Variants in HOMER2 observed in about 807,000 individuals in gnomAD.
HOMER2 encodes homer protein homolog 2.
A neutral mutation model predicts 47.0 loss-of-function variants in HOMER2; 27 were observed. That is an observed-to-expected ratio of 0.57 (90% confidence interval 0.42 to 0.79). HOMER2 has a LOEUF of 0.79. Ranked by LOEUF, HOMER2 falls within the 30% of genes least tolerant of loss-of-function variation. The probability of loss-of-function intolerance (pLI) is 0.00; values close to 1 mark genes in which losing one functional copy is unlikely to be tolerated. For missense variants in HOMER2, 443 were observed against 435.0 expected (o/e 1.02, Z -0.16); for synonymous variants, 161 against 163.8 (o/e 0.98, Z 0.13).
At chr15:82,978,602 C>T (rs2151262442) in intron 1 of HOMER2, among the ~76,000 whole-genome samples, 1 of 152,190 alleles carries the variant, frequency 6.6e-6, no homozygotes, top group South Asian at 2.1e-4. Context: ...GTGCCACCAC[C>T]CAAATCTCAT....
At chr15:82,903,099 T>A (rs1274605696) in intron 1 of HOMER2, among the ~76,000 whole-genome samples, 1 of 152,258 alleles carries the variant, frequency 6.6e-6, no homozygotes, top group African/African-American at 2.4e-5. Flanking sequence ...TTTAGAGGGA[T>A]CACTGTGGCA....
intron 1 of HOMER2, among the ~76,000 whole-genome samples, chr15:82,931,427 C>CT (rs1440271961): frequency 1.3e-5 from 2 of 151,424 alleles, no homozygotes; most frequent in Non-Finnish European, 2.9e-5. Flanking sequence ...CAAGGAGTAG[C>CT]TTTTTTTAGC....
At chr15:82,873,573 A>G (rs1256449) in intron 3 of HOMER2, among the ~76,000 whole-genome samples, 79,171 of 152,094 alleles carry the variant, frequency 0.52, 21,036 homozygotes, top group African/African-American at 0.62. Flanking sequence ...GATTGTGGAC[A>G]GAGAGGACGT....
chr15:82,890,879 C>T (rs773154080), intron 2 of HOMER2, among the ~76,000 whole-genome samples: 4 of 152,090 alleles, frequency 2.6e-5, no homozygotes, highest in Admixed American at 6.5e-5. Context: ...GCAATTCCAG[C>T]GCAGAAGCAC....
At chr15:82,877,308 T>A (rs1223362561) in intron 2 of HOMER2, among the ~76,000 whole-genome samples, 1 of 152,126 alleles carries the variant, frequency 6.6e-6, no homozygotes, top group Non-Finnish European at 1.5e-5. Flanking sequence ...TAGCTGGAAT[T>A]ACAGGTGACC....
chr15:82,941,261 T>A (rs996942108), intron 1 of HOMER2, among the ~76,000 whole-genome samples: 1 of 151,682 alleles, frequency 6.6e-6, no homozygotes, highest in Non-Finnish European at 1.5e-5. Context: ...CTGACCAACA[T>A]GATGAAACCC....
chr15:82,859,134 G>A lies in HOMER2; in HGVS notation c.389C>T (p.Ala130Val). The A allele has an allele frequency of 6.2e-7, 1 of 1,613,966 alleles. No individual in the cohort carries two copies. The highest frequency in any genetic ancestry group is 8.5e-7 in the Non-Finnish European group (1 of 1,179,878). The change falls in exon 5 of 9, where the codon GCA becomes GTA. Residue 130 changes from alanine (A) to valine (V), a missense_variant and splice_region_variant. Ala to Val is a moderately conservative substitution (Grantham distance 64). Coordinates refer to ENST00000450735, the MANE Select transcript of HOMER2 (RefSeq NM_004839.4). ...ATCGTCCGTCCCGTTGACACTGGAT[G>A]CCTGAGTAGAAGATGGGGTTTCACG... Reference protein sequence around the residue: ...KIETSSNHSQASSVNGTDDEK... With the variant: ...KIETSSNHSQVSSVNGTDDEK...
At chr15:82,852,309 C>T (rs2051422710) in intron 6 of HOMER2, 57 bp from the exon 7 acceptor site, 2 of 1,147,842 alleles carry the variant, frequency 1.7e-6, no homozygotes, top group East Asian at 4.7e-5. Context: ...AGTCATTAAG[C>T]AAGAGATCAC....
intron 1 of HOMER2, among the ~76,000 whole-genome samples, chr15:82,965,496 TA>T (rs2054665656): frequency 6.6e-6 from 1 of 152,198 alleles, no homozygotes; most frequent in South Asian, 2.1e-4. Context: ...TCTGAGGTAC[TA>T]TTCTCTAAAA....
chr15:82,940,323 G>A (rs1016628436), intron 1 of HOMER2, among the ~76,000 whole-genome samples: 1 of 152,212 alleles, frequency 6.6e-6, no homozygotes, highest in Admixed American at 6.5e-5. Context: ...CTCATTAAAT[G>A]ATAGCTTAAT....
chr15:82,859,987 C>A (rs2051721963), intron 4 of HOMER2, among the ~76,000 whole-genome samples: 1 of 152,158 alleles, frequency 6.6e-6, no homozygotes, highest in Non-Finnish European at 1.5e-5. Context: ...GTGGCTCACA[C>A]CTGTAATCCC....
intron 5 of HOMER2, among the ~76,000 whole-genome samples, chr15:82,855,842 T>A (rs181653596): frequency 1.3e-5 from 2 of 152,320 alleles, no homozygotes; most frequent in East Asian, 3.9e-4. Context: ...CAAACTGGAA[T>A]CAGGTTCCCC....
chr15:82,889,636 G>A (rs1172068717), intron 2 of HOMER2, among the ~76,000 whole-genome samples: 3 of 152,196 alleles, frequency 2.0e-5, no homozygotes, highest in Admixed American at 1.3e-4. Context: ...TCAGGGAGAT[G>A]AGGACCTTAG....
At chr15:82,920,703 G>C (rs1045298945) in intron 1 of HOMER2, among the ~76,000 whole-genome samples, 15 of 152,156 alleles carry the variant, frequency 9.9e-5, no homozygotes, top group Non-Finnish European at 1.8e-4. Context: ...GGATAATGCA[G>C]GATAACCTCC....
At chr15:82,984,815 C>T (rs1489098440) in intron 1 of HOMER2, among the ~76,000 whole-genome samples, 3 of 151,854 alleles carry the variant, frequency 2.0e-5, no homozygotes, top group Non-Finnish European at 4.4e-5. Flanking sequence ...GACCCTGTGT[C>T]AAAGAAACAA....
chr15:82,888,715 C>T lies in HOMER2; in HGVS notation c.162+3970G>A, dbSNP rs1303376850. On this transcript the variant is annotated intron_variant, in intron 2 of 8. Coordinates refer to ENST00000450735, the MANE Select transcript of HOMER2 (RefSeq NM_004839.4). ...GGAAAGGGAACTCCCTGACCCCTTG[C>T]GCTTCCCAGGTGAGGCAATGCCTCG... is the stretch of plus-strand genomic sequence containing the variant. 2.4e-5 allele frequency among the ~76,000 whole-genome samples: 2 copies of T among 82,072 alleles called. 1 individual carries two copies. The highest frequency in any genetic ancestry group is 4.5e-5 in the Non-Finnish European group (2 of 44,170). The allele number at this position is 82,072 out of a possible 152,430, so 53.8% of individuals were successfully genotyped here.
At chr15:82,869,030 T>C (rs1473690089) in intron 3 of HOMER2, among the ~76,000 whole-genome samples, 1 of 152,194 alleles carries the variant, frequency 6.6e-6, no homozygotes, top group East Asian at 1.9e-4. Flanking sequence ...ACCTGCCCCT[T>C]AATTTGCATG....
upstream of HOMER2, among the ~76,000 whole-genome samples, chr15:82,955,055 C>T (rs1253578684): frequency 1.3e-5 from 2 of 152,134 alleles, no homozygotes; most frequent in Admixed American, 6.5e-5. Context: ...GGATTACAGG[C>T]GTGTGCCACC....
At chr15:82,879,479 A>G (rs557399972) in intron 2 of HOMER2, among the ~76,000 whole-genome samples, 1 of 152,370 alleles carries the variant, frequency 6.6e-6, no homozygotes, top group Admixed American at 6.5e-5. Context: ...CCTGGGTGAC[A>G]AAAGTGAGAC....
Sources: gnomAD v4.1 joint callset for allele counts (sites outside exome capture counted in the v4.1 genomes callset) on GRCh38, gnomAD v4.1.1 for gene constraint, MANE v1.5 for transcripts, NCBI Gene and HGNC (gene_info 2026-07-23, HGNC 2026-07-21) for gene names.